DAB1: variants seen among roughly 807,000 people sequenced by gnomAD.
DAB1 encodes the protein DAB adaptor protein 1, also known as disabled homolog 1.
DAB1 carries 15 observed loss-of-function variants against 64.6 expected under a neutral mutation model. The ratio of observed to expected loss-of-function variants is 0.23; its 90% confidence interval spans 0.16 to 0.36. The LOEUF (loss-of-function observed/expected upper bound fraction) is 0.36, where lower values mean the gene tolerates loss of function less well. Ranked by LOEUF, DAB1 falls within the 10% of genes least tolerant of loss-of-function variation. DAB1 has a pLI of 1.00. For missense variants in DAB1, 596 were observed against 706.7 expected (o/e 0.84, Z 1.78); for synonymous variants, 235 against 251.9 (o/e 0.93, Z 0.64).
chr1:57,172,790 C>G (rs914608630), intron 2 of DAB1, among the ~76,000 whole-genome samples: 10 of 152,140 alleles, frequency 6.6e-5, no homozygotes, highest in Non-Finnish European at 7.4e-5. Flanking sequence ...TGCCCCATGA[C>G]CCAAACATCT....
In DAB1 at chr1:58,140,872, T is replaced by C. The variant is rs79865267; in HGVS notation, n.387+9639A>G. The stretch of plus-strand genomic sequence containing the variant: ...CAACTCTTGCAGGAAATATGAGGCA[T>C]AATAAGAACCAGCAGAGGATGAGGA... On this transcript the variant is annotated intron_variant and non_coding_transcript_variant, in intron 5 of 20. Coordinates refer to the DAB1 transcript ENST00000485760. Among the ~76,000 whole-genome samples, 1,367 of 152,294 alleles carry C rather than the reference T, an allele frequency of 9.0e-3. 12 individuals carry two copies. Among genetic ancestry groups the C allele is most frequent in the Non-Finnish European group, 0.013 (891 of 68,008 alleles).
intron 2 of DAB1, among the ~76,000 whole-genome samples, chr1:57,269,484 C>T (rs528771007): frequency 2.0e-5 from 3 of 152,138 alleles, no homozygotes; most frequent in Admixed American, 6.5e-5. Flanking sequence ...CTGTCACCCC[C>T]CTCCCTGGCC....
intron 1 of DAB1, among the ~76,000 whole-genome samples, chr1:57,420,649 T>A (rs1172269542): frequency 1.3e-5 from 2 of 152,232 alleles, no homozygotes; most frequent in Non-Finnish European, 2.9e-5. Context: ...ATGCTGTCTA[T>A]TACTAAGAGA....
intron 14 of DAB1, among the ~76,000 whole-genome samples, chr1:57,000,585 T>A (rs1570458025): frequency 6.6e-6 from 1 of 152,350 alleles, no homozygotes; most frequent in East Asian, 1.9e-4. Context: ...TTCAAATACA[T>A]GTTGTAAGGC....
chr1:58,392,052 G>A (rs1644480337), intron 3 of DAB1, among the ~76,000 whole-genome samples: 1 of 152,170 alleles, frequency 6.6e-6, no homozygotes, highest in Admixed American at 6.5e-5. Flanking sequence ...GAGTGGATCT[G>A]CAAAAGAAAG....
chr1:57,280,764 T>G (rs1671824230), intron 2 of DAB1, among the ~76,000 whole-genome samples: 1 of 152,174 alleles, frequency 6.6e-6, no homozygotes, highest in South Asian at 2.1e-4. Context: ...TTGTAGGAAT[T>G]TTGAATGCCA....
intron 7 of DAB1, among the ~76,000 whole-genome samples, chr1:57,646,151 A>G (rs1646189165): frequency 1.3e-5 from 2 of 152,240 alleles, no homozygotes; most frequent in Admixed American, 1.3e-4. Flanking sequence ...GAATATAAAG[A>G]TGGACAAATT....
intron 2 of DAB1, among the ~76,000 whole-genome samples, chr1:57,194,715 T>A (rs914383370): frequency 6.6e-6 from 1 of 152,162 alleles, no homozygotes; most frequent in Non-Finnish European, 1.5e-5. Context: ...CTAGCCTGAG[T>A]GCTAGTGACA....
chr1:58,384,448 A>T (rs1479341712), intron 3 of DAB1, among the ~76,000 whole-genome samples: 1 of 152,222 alleles, frequency 6.6e-6, no homozygotes, highest in Non-Finnish European at 1.5e-5. Context: ...CTGCTGTACA[A>T]CATAGCCTAT....
At chr1:57,951,324 A>T (rs550631323) in intron 5 of DAB1, among the ~76,000 whole-genome samples, 1 of 132,244 alleles carries the variant, frequency 7.6e-6, no homozygotes, top group East Asian at 2.0e-4. Flanking sequence ...ATTCATATAT[A>T]TATATATACT....
intron 4 of DAB1, among the ~76,000 whole-genome samples, chr1:58,158,931 T>A (rs1655364575): frequency 6.6e-6 from 1 of 152,130 alleles, no homozygotes; most frequent in Non-Finnish European, 1.5e-5. Flanking sequence ...GAGGAAATAT[T>A]CTGATAGAAT....
chr1:57,552,638 C>T (rs373114433), intron 7 of DAB1, among the ~76,000 whole-genome samples: 19 of 152,232 alleles, frequency 1.2e-4, no homozygotes, highest in African/African-American at 4.1e-4. Context: ...TTTTTATGTG[C>T]GGGACACTTC....
intron 1 of DAB1, among the ~76,000 whole-genome samples, chr1:57,879,065 T>C (rs1325777653): frequency 1.3e-5 from 2 of 152,174 alleles, no homozygotes; most frequent in Non-Finnish European, 2.9e-5. Flanking sequence ...TTTTTATCCA[T>C]TCATCTGTTG....
At chr1:57,010,882 A>G in intron 13 of DAB1, 92 bp from the exon 14 acceptor site, 1 of 1,034,076 alleles carries the variant, frequency 9.7e-7, no homozygotes, top group Non-Finnish European at 1.4e-6. Flanking sequence ...CAGCACAATC[A>G]GTTATTGTAA....
intron 7 of DAB1, among the ~76,000 whole-genome samples, chr1:57,527,995 A>T (rs963130246): frequency 6.6e-6 from 1 of 151,934 alleles, no homozygotes; most frequent in Non-Finnish European, 1.5e-5. Context: ...GTTAAGAGAA[A>T]ACTCAAGCAA....
At chr1:57,790,266 T>C (rs1650532471) in intron 6 of DAB1, among the ~76,000 whole-genome samples, 1 of 152,180 alleles carries the variant, frequency 6.6e-6, no homozygotes, top group Admixed American at 6.5e-5. Flanking sequence ...GTTCTCATGA[T>C]AGCGAGGGAG....
intron 4 of DAB1, among the ~76,000 whole-genome samples, chr1:58,253,241 T>C (rs936500951): frequency 3.3e-5 from 5 of 152,218 alleles, no homozygotes; most frequent in African/African-American, 1.2e-4. Flanking sequence ...AAGGAAATGC[T>C]CTAAGGATTT....
intron 7 of DAB1, among the ~76,000 whole-genome samples, chr1:57,473,480 G>C (rs1011504984): frequency 2.0e-5 from 3 of 152,128 alleles, no homozygotes; most frequent in Admixed American, 2.0e-4. Context: ...ACCCTATCTT[G>C]CTTGCCTCAG....
At chr1:57,787,338 GGAACA>G (rs1650383142) in intron 6 of DAB1, among the ~76,000 whole-genome samples, 1 of 151,966 alleles carries the variant, frequency 6.6e-6, no homozygotes. Flanking sequence ...ATACATAAAT[GGAACA>G]GAACAGTGTC....
Sources: allele counts gnomAD v4.1 joint callset (sites outside exome capture counted in the v4.1 genomes callset), GRCh38; gene constraint gnomAD v4.1.1; transcripts MANE v1.5; gene names NCBI Gene and HGNC (gene_info 2026-07-23, HGNC 2026-07-21).